AFAP1: variants seen among roughly 807,000 people sequenced by gnomAD.
The protein encoded by AFAP1 is actin filament-associated protein 1.
A neutral mutation model predicts 93.9 loss-of-function variants in AFAP1; 75 were observed. The ratio of observed to expected loss-of-function variants is 0.80; its 90% CI spans 0.66 to 0.97. The LOEUF (loss-of-function observed/expected upper bound fraction) is 0.97, where lower values mean the gene tolerates loss of function less well. Ranked by LOEUF, AFAP1 falls within the 50% of genes least tolerant of loss-of-function variation. The pLI, the probability that AFAP1 is intolerant of heterozygous loss-of-function variation, is 0.00. For synonymous variants in AFAP1, 517 were observed against 430.7 expected (o/e 1.20, Z -2.48); for missense variants, 1,201 against 1,050.8 (o/e 1.14, Z -1.98).
intron 6 of AFAP1, among the ~76,000 whole-genome samples, chr4:7,831,925 GGGAACGGCAAA>G (rs1711670345): frequency 6.6e-6 from 1 of 152,162 alleles, no homozygotes; most frequent in Non-Finnish European, 1.5e-5. Flanking sequence ...GAATAAAAGA[GGGAACGGCAAA>G]CTGTCAGATG....
chr4:7,934,224 A>G (rs1577371829), intron 1 of AFAP1, among the ~76,000 whole-genome samples: 1 of 152,298 alleles, frequency 6.6e-6, no homozygotes, highest in East Asian at 1.9e-4. Context: ...TCTTACTGAT[A>G]AGCTCTAAGT....
chr4:7,892,496 G>C (rs1718527705), intron 1 of AFAP1, among the ~76,000 whole-genome samples: 1 of 152,198 alleles, frequency 6.6e-6, no homozygotes, highest in South Asian at 2.1e-4. Context: ...GGAATCATTG[G>C]ACCTGCATGC....
At chr4:7,915,951 G>A (rs1049942107) in intron 1 of AFAP1, among the ~76,000 whole-genome samples, 2 of 152,136 alleles carry the variant, frequency 1.3e-5, no homozygotes, top group African/African-American at 2.4e-5. Context: ...AAAATAGGAG[G>A]GAGAGGACGG....
intron 6 of AFAP1, among the ~76,000 whole-genome samples, chr4:7,833,689 A>T (rs1183911868): frequency 6.6e-6 from 1 of 151,088 alleles, no homozygotes; most frequent in Non-Finnish European, 1.5e-5. Flanking sequence ...CTCAGGTTCA[A>T]GCAATTCTCC....
At chr4:7,929,956 AAG>A (rs1443785912) in intron 1 of AFAP1, among the ~76,000 whole-genome samples, 1 of 152,156 alleles carries the variant, frequency 6.6e-6, no homozygotes, top group Non-Finnish European at 1.5e-5. Flanking sequence ...CTAACAAATA[AAG>A]AGGCCATGTA....
intron 8 of AFAP1, among the ~76,000 whole-genome samples, chr4:7,812,565 C>G (rs546925508): frequency 2.0e-5 from 3 of 152,014 alleles, no homozygotes; most frequent in African/African-American, 7.2e-5. Context: ...GAGATGAGCA[C>G]AGATCACAGA....
chr4:7,880,776 C>A (rs776565725), intron 1 of AFAP1, among the ~76,000 whole-genome samples: 1 of 152,182 alleles, frequency 6.6e-6, no homozygotes, highest in South Asian at 2.1e-4. Context: ...TGTCTGTCTC[C>A]GCTCTCCTAC....
At chr4:7,892,771 T>G (rs1244709266) in intron 1 of AFAP1, among the ~76,000 whole-genome samples, 3 of 151,820 alleles carry the variant, frequency 2.0e-5, no homozygotes, top group Non-Finnish European at 4.4e-5. Flanking sequence ...CATGACGCAT[T>G]TGAGACTGCA....
At chr4:7,832,764 A>G (rs574630263) in intron 6 of AFAP1, among the ~76,000 whole-genome samples, 101 of 152,350 alleles carry the variant, frequency 6.6e-4, no homozygotes, top group African/African-American at 2.1e-3. Context: ...AAACTACAGT[A>G]TAAGGCCATA....
At chr4:7,929,235 G>C (rs1271704854) in intron 1 of AFAP1, among the ~76,000 whole-genome samples, 1 of 152,186 alleles carries the variant, frequency 6.6e-6, no homozygotes, top group African/African-American at 2.4e-5. Context: ...AGCAGGCAGT[G>C]ATCACTGCCC....
rs774962488 is a variant in AFAP1 at position 7,872,070 on chromosome 4, C to T, written c.9G>A (p.Glu3=). 1 of 1,613,936 alleles carries T rather than the reference C, an allele frequency of 6.2e-7. No individual in the cohort carries two copies. Among genetic ancestry groups the T allele is most frequent in the South Asian group, 1.1e-5 (1 of 91,026 alleles). Residue 3 remains glutamate (E), a synonymous_variant, in exon 2 of 18, where the codon GAG becomes GAA. Transcript: ENST00000420658. Reference sequence around the variant, plus strand: ...GAAAGAGACGAAGTTCAACTATTAACTCTTCCATTGCTGACAACAAAAGAG... The same window carrying T: ...GAAAGAGACGAAGTTCAACTATTAATTCTTCCATTGCTGACAACAAAAGAG... ME[E]LIVELRLFLE... is the part of the protein sequence containing the mutation.
At chr4:7,866,776 C>G (rs376371702) in intron 3 of AFAP1, among the ~76,000 whole-genome samples, 2 of 151,744 alleles carry the variant, frequency 1.3e-5, no homozygotes, top group Admixed American at 6.6e-5. Context: ...GTGGGTCACA[C>G]CTGTAATCCT....
At chr4:7,855,317 T>G (rs1714923576) in intron 4 of AFAP1, 149 bp downstream of exon 4, 2 of 611,640 alleles carry the variant, frequency 3.3e-6, no homozygotes, top group Non-Finnish European at 5.7e-6. Flanking sequence ...AAACCTTTCC[T>G]GTACTGACAA....
chr4:7,871,469 C>T (rs539430791), intron 2 of AFAP1, among the ~76,000 whole-genome samples: 7 of 152,290 alleles, frequency 4.6e-5, no homozygotes, highest in African/African-American at 1.2e-4. Flanking sequence ...ATGGAAATGT[C>T]GCACAGAGCT....
intron 1 of AFAP1, among the ~76,000 whole-genome samples, chr4:7,902,154 G>C (rs1719150972): frequency 6.6e-6 from 1 of 152,134 alleles, no homozygotes; most frequent in South Asian, 2.1e-4. Context: ...ATCTTTCTGA[G>C]CTCAGGATGA....
chr4:7,904,602 T>C (rs62290561), intron 1 of AFAP1, among the ~76,000 whole-genome samples: 46,444 of 152,148 alleles, frequency 0.31, 8,882 homozygotes, highest in Non-Finnish European at 0.44. Context: ...AACTGAGGCA[T>C]AGAAAGATTA....
chr4:7,887,221 C>G lies in AFAP1; in HGVS notation c.-2-15141G>C, dbSNP rs115050698. On this transcript the variant is annotated intron_variant, in intron 1 of 17. Transcript: ENST00000420658. Reference sequence around the variant, plus strand: ...AACAGGAGAATGGAAAGAGGAAATGCAAATTTACACTCTATTTATTGTCAC... The same window carrying G: ...AACAGGAGAATGGAAAGAGGAAATGGAAATTTACACTCTATTTATTGTCAC... Among the ~76,000 whole-genome samples, 384 of 152,194 alleles carry G rather than the reference C, an allele frequency of 2.5e-3. 3 individuals carry two copies. The highest frequency in any genetic ancestry group is 8.8e-3 in the African/African-American group (367 of 41,526).
chr4:7,879,871 G>T (rs1445570388), intron 1 of AFAP1, among the ~76,000 whole-genome samples: 1 of 151,930 alleles, frequency 6.6e-6, no homozygotes, highest in Non-Finnish European at 1.5e-5. Flanking sequence ...CTCACTATTT[G>T]CCAGACTGGT....
At chr4:7,837,099 G>A (rs1347120152) in intron 6 of AFAP1, among the ~76,000 whole-genome samples, 7 of 152,006 alleles carry the variant, frequency 4.6e-5, no homozygotes, top group South Asian at 2.1e-4. Flanking sequence ...TCAAGTAAAC[G>A]TTTCTAAAAG....
Sources: allele counts gnomAD v4.1 joint callset (sites outside exome capture counted in the v4.1 genomes callset), GRCh38; gene constraint gnomAD v4.1.1; transcripts MANE v1.5; gene names NCBI Gene and HGNC (gene_info 2026-07-23, HGNC 2026-07-21).